Variants in SLC9A9 observed in about 807,000 individuals in gnomAD.
SLC9A9 encodes the protein solute carrier family 9 member A9.
A neutral mutation model predicts 77.8 loss-of-function variants in SLC9A9; 62 were observed. The ratio of observed to expected loss-of-function variants is 0.80; its 90% CI spans 0.65 to 0.98. The LOEUF (loss-of-function observed/expected upper bound fraction) is 0.98. SLC9A9 is among the 50% of genes least tolerant of loss of function. SLC9A9 has a pLI of 0.00. For synonymous variants in SLC9A9, 320 were observed against 283.5 expected (o/e 1.13, Z -1.29); for missense variants, 775 against 774.9 (o/e 1.00, Z 0.00).
At chr3:143,788,782 A>C (rs576943593) in intron 4 of SLC9A9, among the ~76,000 whole-genome samples, 1 of 151,924 alleles carries the variant, frequency 6.6e-6, no homozygotes, top group Non-Finnish European at 1.5e-5. Context: ...AGGCAAACTA[A>C]GAAAAAATAT....
In SLC9A9 at chr3:143,632,144, G is replaced by A. The variant is rs9784291; in HGVS notation, c.755+20111C>T. On this transcript the variant is annotated intron_variant, in intron 6 of 15. Transcript: ENST00000316549. ...AATGGTTCCAAACAAAGCATTCTCT[G>A]GGGATTGAGGGGAGAAAATCAGTGG... is the stretch of plus-strand genomic sequence containing the variant. 3.0e-3 allele frequency among the ~76,000 whole-genome samples: 458 copies of A among 152,236 alleles called. 2 individuals are homozygous for A. The highest frequency in any genetic ancestry group is 9.4e-3 in the African/African-American group (389 of 41,544).
At chr3:143,396,633 G>T (rs1576470088) in intron 12 of SLC9A9, among the ~76,000 whole-genome samples, 1 of 152,144 alleles carries the variant, frequency 6.6e-6, no homozygotes, top group Admixed American at 6.6e-5. Flanking sequence ...ACAGGATCTA[G>T]CCCCTAGAAA....
intron 12 of SLC9A9, among the ~76,000 whole-genome samples, chr3:143,409,731 A>G (rs2034054988): frequency 1.3e-5 from 2 of 152,236 alleles, no homozygotes; most frequent in Admixed American, 1.3e-4. Context: ...GAAGCTATGC[A>G]GGAAGATTAA....
chr3:143,527,690 T>A (rs950327703), intron 9 of SLC9A9, among the ~76,000 whole-genome samples: 7 of 152,216 alleles, frequency 4.6e-5, no homozygotes, highest in African/African-American at 1.7e-4. Flanking sequence ...TAGCACCACA[T>A]TCAAGACTCA....
At chr3:143,658,002 G>A (rs1023616684) in intron 5 of SLC9A9, among the ~76,000 whole-genome samples, 4 of 152,102 alleles carry the variant, frequency 2.6e-5, no homozygotes, top group Admixed American at 6.5e-5. Flanking sequence ...GAATAGCTGG[G>A]ACTACAGGTG....
chr3:143,706,225 C>G lies in SLC9A9; in HGVS notation c.534-12918G>C, dbSNP rs532866971. On this transcript the variant is annotated intron_variant, in intron 4 of 15. Transcript: ENST00000316549. ...GAATAAATAAAAAAGAAACCCTTCT[C>G]TAGTAATCCAGGGAACCATCGCCAT... 3.9e-4 allele frequency among the ~76,000 whole-genome samples: 59 copies of G among 152,282 alleles called. No homozygotes were observed. The South Asian group carries it at 0.012, about 32-fold the overall frequency.
intron 13 of SLC9A9, among the ~76,000 whole-genome samples, chr3:143,367,336 T>C (rs1278290403): frequency 1.3e-5 from 2 of 152,210 alleles, no homozygotes; most frequent in African/African-American, 4.8e-5. Context: ...GAATAAAACA[T>C]CTGTGAAATA....
intron 6 of SLC9A9, among the ~76,000 whole-genome samples, chr3:143,647,406 C>T (rs1007414905): frequency 1.3e-5 from 2 of 152,176 alleles, no homozygotes; most frequent in Non-Finnish European, 2.9e-5. Flanking sequence ...TGCCATCAAA[C>T]AAATGGGCTT....
chr3:143,721,387 A>G (rs1388861539), intron 4 of SLC9A9, among the ~76,000 whole-genome samples: 1 of 152,164 alleles, frequency 6.6e-6, no homozygotes, highest in Non-Finnish European at 1.5e-5. Flanking sequence ...GAGGAGTTCA[A>G]CTGGGACTTC....
At chr3:143,393,461 G>A (rs1303929645) in intron 12 of SLC9A9, among the ~76,000 whole-genome samples, 1 of 152,154 alleles carries the variant, frequency 6.6e-6, no homozygotes, top group African/African-American at 2.4e-5. Flanking sequence ...GTGTGTAGAG[G>A]GAAACTTATA....
At chr3:143,347,019 A>G (rs868104473) in intron 14 of SLC9A9, 3 of 152,118 alleles carry the variant, frequency 2.0e-5, no homozygotes, top group Admixed American at 6.5e-5. Context: ...AGGAAATAGA[A>G]TTTTCTATTT....
chr3:143,435,946 C>A (rs1343950917), intron 12 of SLC9A9, among the ~76,000 whole-genome samples: 2 of 152,194 alleles, frequency 1.3e-5, no homozygotes, highest in African/African-American at 4.8e-5. Flanking sequence ...AGTGACAGAA[C>A]TAGGAGAAAT....
intron 12 of SLC9A9, among the ~76,000 whole-genome samples, chr3:143,424,066 T>G (rs2034359402): frequency 6.6e-6 from 1 of 152,214 alleles, no homozygotes; most frequent in Non-Finnish European, 1.5e-5. Flanking sequence ...CACCAGTAAA[T>G]GTAACACATG....
chr3:143,735,605 G>T (rs1335518100), intron 4 of SLC9A9, among the ~76,000 whole-genome samples: 2 of 152,226 alleles, frequency 1.3e-5, no homozygotes, highest in Non-Finnish European at 1.5e-5. Flanking sequence ...CCAGATAAAA[G>T]CTAGAAGGAA....
At chr3:143,627,871 T>C (rs186363320) in intron 6 of SLC9A9, among the ~76,000 whole-genome samples, 1 of 152,310 alleles carries the variant, frequency 6.6e-6, no homozygotes, top group East Asian at 1.9e-4. Context: ...CACAAATAAT[T>C]AATAAAATAC....
intron 4 of SLC9A9, among the ~76,000 whole-genome samples, chr3:143,737,399 A>C (rs2108814210): frequency 6.6e-6 from 1 of 152,234 alleles, no homozygotes; most frequent in Non-Finnish European, 1.5e-5. Flanking sequence ...TAGAATAATT[A>C]AGATTGAATC....
At chr3:143,683,150 C>G (rs6782267) in intron 5 of SLC9A9, among the ~76,000 whole-genome samples, 1 of 151,956 alleles carries the variant, frequency 6.6e-6, no homozygotes, top group East Asian at 1.9e-4. Flanking sequence ...CCAAGGGTGG[C>G]GATAAGTTCT....
At chr3:143,597,534 G>C (rs1037602189) in intron 6 of SLC9A9, among the ~76,000 whole-genome samples, 1 of 152,226 alleles carries the variant, frequency 6.6e-6, no homozygotes, top group African/African-American at 2.4e-5. Context: ...AAGAAAAGCT[G>C]CTCAGGAGAG....
chr3:143,322,101 C>CT (rs1018603882), intron 14 of SLC9A9, among the ~76,000 whole-genome samples: 4 of 152,092 alleles, frequency 2.6e-5, no homozygotes, highest in Non-Finnish European at 5.9e-5. Flanking sequence ...TCTCTTTTTT[C>CT]TTTTTTTAGA....
Sources: allele counts gnomAD v4.1 joint callset (sites outside exome capture counted in the v4.1 genomes callset), GRCh38; gene constraint gnomAD v4.1.1; transcripts MANE v1.5; gene names NCBI Gene and HGNC (gene_info 2026-07-23, HGNC 2026-07-21).